Variants in RNF149 observed in about 807,000 individuals in gnomAD.
The protein encoded by RNF149 is ring finger protein 149.
In RNF149, 21 loss-of-function variants were observed where a neutral mutation model predicts 39.0. The observed-to-expected ratio is 0.54, with a 90% CI of 0.38 to 0.77. The LOEUF (loss-of-function observed/expected upper bound fraction) is 0.77. Among genes scored for constraint, RNF149 ranks in the 30% least tolerant of loss-of-function variants. The probability of loss-of-function intolerance (pLI) is 0.00; values close to 1 mark genes in which losing one functional copy is unlikely to be tolerated. For synonymous variants in RNF149, 209 were observed against 213.6 expected, an observed-to-expected ratio of 0.98 and a Z score of 0.19; for missense variants, 493 against 534.9, an observed-to-expected ratio of 0.92 and a Z score of 0.77.
chr2:101,287,429 A>T (rs939370960), intron 4 of RNF149, among the ~76,000 whole-genome samples: 1 of 152,224 alleles, frequency 6.6e-6, no homozygotes, highest in African/African-American at 2.4e-5. Flanking sequence ...CACAGGAGAA[A>T]ATAAGGGAAA....
downstream of RNF149, chr2:101,272,848 C>A: frequency 1.1e-6 from 1 of 872,356 alleles, no homozygotes; most frequent in East Asian, 5.5e-5. Context: ...TCACCTATTC[C>A]TGAAGGTCTA....
downstream of RNF149, among the ~76,000 whole-genome samples, chr2:101,272,040 T>C (rs1416830436): frequency 6.6e-6 from 1 of 152,216 alleles, no homozygotes; most frequent in Non-Finnish European, 1.5e-5. Flanking sequence ...GGAAAATTAA[T>C]GCATAGGAAG....
chr2:101,278,312 G>A (rs968305995), intron 6 of RNF149, among the ~76,000 whole-genome samples: 6 of 151,808 alleles, frequency 4.0e-5, no homozygotes, highest in African/African-American at 1.2e-4. Flanking sequence ...ACGCCACCAC[G>A]CCCCGCTAAT....
chr2:101,291,688 T>A (rs1257808976), intron 3 of RNF149, among the ~76,000 whole-genome samples: 1 of 152,256 alleles, frequency 6.6e-6, no homozygotes, highest in South Asian at 2.1e-4. Flanking sequence ...GTATCATTTA[T>A]CATATGCAGG....
At chr2:101,298,862 A>C (rs1414319261) in intron 1 of RNF149, among the ~76,000 whole-genome samples, 1 of 152,178 alleles carries the variant, frequency 6.6e-6, no homozygotes, top group Non-Finnish European at 1.5e-5. Flanking sequence ...CTATTCAAAA[A>C]ATAACTTTTA....
intron 1 of RNF149, among the ~76,000 whole-genome samples, chr2:101,307,541 G>A (rs1425650377): frequency 6.6e-6 from 1 of 152,138 alleles, no homozygotes; most frequent in African/African-American, 2.4e-5. Context: ...CAAGACTCAG[G>A]AAATCTGACT....
At chr2:101,307,267 C>T (rs1683702024) in intron 1 of RNF149, among the ~76,000 whole-genome samples, 2 of 152,170 alleles carry the variant, frequency 1.3e-5, no homozygotes, top group African/African-American at 4.8e-5. Flanking sequence ...ACTACAGTCT[C>T]GATCTCCTGG....
chr2:101,286,401 T>C (rs1414173376), intron 4 of RNF149: 2 of 408,560 alleles, frequency 4.9e-6, no homozygotes. Flanking sequence ...CCATGGCTTA[T>C]TTATGCTCTC....
chr2:101,308,701 C>A lies in RNF149; in HGVS notation c.-113G>T. 9.7e-7 allele frequency: 1 copy of A among 1,027,906 alleles called. No individual in the cohort carries two copies. The highest frequency in any genetic ancestry group is 1.8e-5 in the South Asian group (1 of 55,278). 63.7% of individuals were successfully genotyped at this position (1,027,906 alleles called of 1,614,324 possible). A position where few individuals can be genotyped will look rare whatever the true frequency, so the allele number is the denominator to read the frequency against. On this transcript the variant is annotated 5_prime_UTR_variant, in exon 1 of 7. Transcript: ENST00000295317. ...CCGCCCTGGAAGACTGAGGCGGGGT[C>A]GGGGCCGCTGCGCACGCGCACCTGG... is the stretch of plus-strand genomic sequence containing the variant.
At chr2:101,289,561 T>C (rs1682929009) in intron 3 of RNF149, among the ~76,000 whole-genome samples, 1 of 151,698 alleles carries the variant, frequency 6.6e-6, no homozygotes, top group South Asian at 2.1e-4. Context: ...AAAAATTAGC[T>C]GGGCATGGTG....
chr2:101,289,425 G>T (rs977247344), intron 3 of RNF149, among the ~76,000 whole-genome samples: 1 of 151,814 alleles, frequency 6.6e-6, no homozygotes, highest in Non-Finnish European at 1.5e-5. Flanking sequence ...ACAGGGTTTC[G>T]GCCAGGTGCA....
intron 4 of RNF149, among the ~76,000 whole-genome samples, chr2:101,288,280 A>G (rs1682873248): frequency 8.0e-6 from 1 of 124,540 alleles, no homozygotes; most frequent in African/African-American, 3.1e-5. Context: ...TCTGTCACCT[A>G]GGCTGGAGTG....
chr2:101,295,425 G>A (rs957537385), intron 1 of RNF149, among the ~76,000 whole-genome samples: 1 of 152,024 alleles, frequency 6.6e-6, no homozygotes, highest in African/African-American at 2.4e-5. Context: ...ACTTTGGGAG[G>A]CCTAGGCGGG....
At chr2:101,295,218 C>T (rs1683176050) in intron 1 of RNF149, 37 bp from the exon 2 acceptor site, 11 of 1,560,954 alleles carry the variant, frequency 7.0e-6, no homozygotes, top group Non-Finnish European at 3.5e-6. Context: ...GTGAAGAACA[C>T]AAAATAAGAT....
At chr2:101,297,519 G>T (rs1225077181) in intron 1 of RNF149, among the ~76,000 whole-genome samples, 2 of 144,842 alleles carry the variant, frequency 1.4e-5, no homozygotes, top group Non-Finnish European at 3.0e-5. Flanking sequence ...ACTACACCTG[G>T]CTAATTTTTT....
chr2:101,277,556 T>A (rs1043464082), intron 6 of RNF149, among the ~76,000 whole-genome samples: 1 of 152,126 alleles, frequency 6.6e-6, no homozygotes, highest in Non-Finnish European at 1.5e-5. Flanking sequence ...ATTCAGCTAC[T>A]TTTTGCATTT....
chr2:101,282,075 A>C lies in RNF149; in HGVS notation c.961-18T>G. 6.2e-7 allele frequency: 1 copy of C among 1,613,174 alleles called. No homozygotes were observed. The highest frequency in any genetic ancestry group is 8.5e-7 in the Non-Finnish European group (1 of 1,179,628). ...GGCTCTCCCTTGAGAATTAGAACAG[A>C]AGAAAAAACATGATCAAAGCTTAAA... On this transcript the variant is annotated intron_variant, in intron 5 of 6. Transcript: ENST00000295317.
In RNF149 at chr2:101,308,332, T is replaced by A; in HGVS notation, c.257A>T (p.Asp86Val). 6.3e-7 allele frequency: 1 copy of A among 1,595,464 alleles called. No individual in the cohort carries two copies. Among genetic ancestry groups the A allele is most frequent in the South Asian group, 1.1e-5 (1 of 89,760 alleles). Residue 86 changes from aspartate (D) to valine (V), a missense_variant, in exon 1 of 7, where the codon GAC (aspartate) becomes GTC (valine). Asp to Val is a radical substitution (Grantham distance 152). Transcript: ENST00000295317. ...LVGVPWAPGGDLEGCAPDTRF... is the reference protein window; with the variant it reads ...LVGVPWAPGGVLEGCAPDTRF... ...CGTGTCGGGCGCGCAGCCCTCGAGGTCTCCGCCGGGCGCCCACGGGACGCC... is the reference window on the plus strand; with the variant it reads ...CGTGTCGGGCGCGCAGCCCTCGAGGACTCCGCCGGGCGCCCACGGGACGCC...
downstream of RNF149, chr2:101,273,068 T>C (rs1461457618): frequency 7.4e-7 from 1 of 1,358,592 alleles, no homozygotes; most frequent in East Asian, 4.5e-5. Flanking sequence ...GGAGCAGTCT[T>C]CTGGGAAAGG....
Sources: gnomAD v4.1 joint callset for allele counts (sites outside exome capture counted in the v4.1 genomes callset) on GRCh38, gnomAD v4.1.1 for gene constraint, MANE v1.5 for transcripts, NCBI Gene and HGNC (gene_info 2026-07-23, HGNC 2026-07-21) for gene names.